The following PLIN3 variants were observed in gnomAD, a reference collection of about 807,000 sequenced individuals.
PLIN3 encodes perilipin-3.
Under a neutral mutation model 35.9 loss-of-function variants are expected in PLIN3, and 30 were observed. The observed-to-expected ratio is 0.84, with a 90% CI of 0.62 to 1.13. The LOEUF (loss-of-function observed/expected upper bound fraction) is 1.13, where lower values mean the gene tolerates loss of function less well. Among genes scored for constraint, PLIN3 ranks in the 50% most tolerant of loss-of-function variants. The pLI, the probability that PLIN3 is intolerant of heterozygous loss-of-function variation, is 0.00. For missense variants in PLIN3, 603 were observed against 596.9 expected (o/e 1.01, Z -0.11); for synonymous variants, 261 against 262.5 (o/e 0.99, Z 0.06).
At position 4,844,844 on chromosome 19, in the gene PLIN3, G is replaced by A. The variant is rs758549282; in HGVS notation, c.835-51C>T. The A allele has an allele frequency of 2.5e-5, 38 of 1,520,938 alleles. 2 individuals are homozygous for A. In the Middle Eastern group the frequency reaches 5.2e-4, roughly 21 times the overall value. 94.2% of individuals were successfully genotyped at this position (1,520,938 alleles called of 1,614,324 possible). ...GGAAGGAGGCTCCCCTGGGAGAGAC[G>A]GGATTCCAGAAGGAACCCAAGGAAT... On this transcript the variant is annotated intron_variant, in intron 6 of 7. Coordinates refer to ENST00000221957, the MANE Select transcript of PLIN3 (RefSeq NM_005817.5).
In PLIN3 at chr19:4,849,884, C is replaced by T. The variant is rs960443190; in HGVS notation, c.635-1994G>A. Among the ~76,000 whole-genome samples, 33 of 151,858 alleles carry T rather than the reference C, an allele frequency of 2.2e-4. 1 individual carries two copies. The highest frequency in any genetic ancestry group is 7.5e-4 in the African/African-American group (31 of 41,372). On this transcript the variant is annotated intron_variant, in intron 5 of 7. Transcript: ENST00000221957. ...GCCAGGCTGGTCTCAAACTCCTGAC[C>T]ATGTGATCCAGCTGCCTCAGCCTCC...
chr19:4,843,178 TGCC>T (rs2029960077), intron 7 of PLIN3, among the ~76,000 whole-genome samples: 1 of 151,200 alleles, frequency 6.6e-6, no homozygotes, highest in African/African-American at 2.4e-5. Context: ...GCTGAGATTG[TGCC>T]ACTGCACTCC....
chr19:4,840,426 T>C (rs1408541953), intron 7 of PLIN3, among the ~76,000 whole-genome samples: 2 of 152,078 alleles, frequency 1.3e-5, no homozygotes, highest in Admixed American at 1.3e-4. Flanking sequence ...AGCTACATTT[T>C]TAAAATTTTC....
intron 7 of PLIN3, among the ~76,000 whole-genome samples, chr19:4,843,176 T>C (rs1242837845): frequency 2.0e-5 from 3 of 151,438 alleles, no homozygotes; most frequent in East Asian, 3.9e-4. Context: ...GAGCTGAGAT[T>C]GTGCCACTGC....
chr19:4,843,717 TC>T (rs1423394969), intron 7 of PLIN3, among the ~76,000 whole-genome samples: 1 of 151,856 alleles, frequency 6.6e-6, no homozygotes, highest in Non-Finnish European at 1.5e-5. Context: ...ACGCCTGTGT[TC>T]CCAGCTACTT....
At chr19:4,843,910 G>A (rs545171227) in intron 7 of PLIN3, among the ~76,000 whole-genome samples, 4 of 152,294 alleles carry the variant, frequency 2.6e-5, no homozygotes, top group South Asian at 4.1e-4. Context: ...TGAAGTGTAC[G>A]ATTCATTGGT....
At chr19:4,861,761 G>A (rs529647673) in intron 1 of PLIN3, among the ~76,000 whole-genome samples, 13 of 151,096 alleles carry the variant, frequency 8.6e-5, no homozygotes, top group Admixed American at 1.3e-4. Context: ...TTAGCCTCCC[G>A]AGTAGCTGGA....
chr19:4,848,289 G>A (rs1488594450), intron 5 of PLIN3, among the ~76,000 whole-genome samples: 2 of 152,100 alleles, frequency 1.3e-5, no homozygotes, highest in Non-Finnish European at 2.9e-5. Flanking sequence ...TGGCCATGCT[G>A]TCCAGTTTAT....
intron 4 of PLIN3, among the ~76,000 whole-genome samples, chr19:4,859,057 T>A (rs961095457): frequency 6.6e-6 from 1 of 152,264 alleles, no homozygotes; most frequent in East Asian, 1.9e-4. Flanking sequence ...TTCTGACTAA[T>A]AAGTTATGGA....
At position 4,847,351 on chromosome 19, in the gene PLIN3, A is replaced by G. The variant is rs1031344730; in HGVS notation, c.834+340T>C. ...ATTACAGGCACGCACCACCACAGCC[A>G]GCTAATTGTTTTAAATTATTTTTTG... On this transcript the variant is annotated intron_variant, in intron 6 of 7. Transcript: ENST00000221957. 4.6e-5 allele frequency among the ~76,000 whole-genome samples: 7 copies of G among 151,966 alleles called. No homozygotes were observed. The Admixed American group carries it at 4.6e-4, about 10-fold the overall frequency.
intron 4 of PLIN3, among the ~76,000 whole-genome samples, chr19:4,854,408 TTTTTG>T (rs937655706): frequency 1.9e-4 from 7 of 36,372 alleles, no homozygotes; most frequent in African/African-American, 8.1e-4. Context: ...TTTGTTTTTG[TTTTTG>T]TTTTTTTTTA....
chr19:4,846,552 A>C (rs2030103787), intron 6 of PLIN3, among the ~76,000 whole-genome samples: 1 of 152,014 alleles, frequency 6.6e-6, no homozygotes. Flanking sequence ...TACAAAAATT[A>C]GCCAGGCATG....
chr19:4,847,756 T>G lies in PLIN3; in HGVS notation c.769A>C (p.Lys257Gln). The change falls in exon 6 of 8, where the codon AAG (lysine) becomes CAG (glutamine). Residue 257 changes from lysine to glutamine, a missense_variant. Lys to Gln is a moderately conservative substitution (Grantham distance 53, BLOSUM62 1). Coordinates refer to ENST00000221957, the MANE Select transcript of PLIN3 (RefSeq NM_005817.5). ...RQHAYEHSLG[K>Q]LRATKQRAQE... is the part of the protein sequence containing the mutation. ...GCCCTCTGCTTGGTGGCTCGAAGCTTGCCCAGCGAGTGCTCATAGGCGTGC... is the reference window on the plus strand; with the variant it reads ...GCCCTCTGCTTGGTGGCTCGAAGCTGGCCCAGCGAGTGCTCATAGGCGTGC... The G allele has an allele frequency of 6.2e-7, 1 of 1,613,032 alleles. No homozygotes were observed. The highest frequency in any genetic ancestry group is 1.1e-5 in the South Asian group (1 of 90,892).
intron 4 of PLIN3, among the ~76,000 whole-genome samples, chr19:4,855,924 C>CA (rs772454816): frequency 0.3 from 22,132 of 73,676 alleles, 1,898 homozygotes; most frequent in Non-Finnish European, 0.35. Flanking sequence ...GACCTTGTCT[C>CA]AAAAAAAAAA....
intron 4 of PLIN3, 131 bp downstream of exon 4, chr19:4,859,459 G>A: frequency 5.2e-6 from 4 of 769,296 alleles, no homozygotes; most frequent in South Asian, 1.5e-5. Context: ...GATTCGGGGT[G>A]GGGATGGGAA....
chr19:4,846,888 A>ACT (rs2030116701), intron 6 of PLIN3, among the ~76,000 whole-genome samples: 1 of 138,224 alleles, frequency 7.2e-6, no homozygotes, highest in East Asian at 2.0e-4. Flanking sequence ...GACAGTACGA[A>ACT]TTTTTTTTTT....
chr19:4,852,364 C>T (rs912558696), intron 4 of PLIN3, 63 bp from the exon 5 acceptor site: 9 of 1,554,476 alleles, frequency 5.8e-6, no homozygotes, highest in African/African-American at 2.7e-5. Context: ...CCCTCCCCTG[C>T]ACCCCAACTT....
In PLIN3 at chr19:4,838,560, A is replaced by G. The variant is rs200959535; in HGVS notation, c.*632T>C. On this transcript the variant is annotated 3_prime_UTR_variant, in exon 8 of 8. Transcript: ENST00000221957. ...GTGTAAACAAAGAAGTGGGATATGAACTATATCCCTGATTTTTTTTTCTTT... is the reference window on the plus strand; with the variant it reads ...GTGTAAACAAAGAAGTGGGATATGAGCTATATCCCTGATTTTTTTTTCTTT... 6.6e-6 allele frequency: 1 copy of G among 150,870 alleles called. No individual in the cohort carries two copies. Among genetic ancestry groups the G allele is most frequent in the East Asian group, 2.0e-4 (1 of 5,062 alleles). The allele number at this position is 150,870 out of a possible 1,614,324, so 9.3% of individuals were successfully genotyped here. A position where few individuals can be genotyped will look rare whatever the true frequency, so the allele number is the denominator to read the frequency against.
rs1196847268 is a variant in PLIN3 at position 4,844,887 on chromosome 19, T to C, written c.835-94A>G. ...CAAGGAATCCTTCCAGCATCTGACTTACATGACAGTCTAGAAAAGAGAAAG... is the reference window on the plus strand; with the variant it reads ...CAAGGAATCCTTCCAGCATCTGACTCACATGACAGTCTAGAAAAGAGAAAG... On this transcript the variant is annotated intron_variant, in intron 6 of 7. Coordinates refer to ENST00000221957, the MANE Select transcript of PLIN3 (RefSeq NM_005817.5). 167 of 1,371,574 alleles carry C rather than the reference T, an allele frequency of 1.2e-4. No homozygotes were observed. In the East Asian group the frequency reaches 2.6e-3, roughly 21 times the overall value. 85.0% of individuals were successfully genotyped at this position (1,371,574 alleles called of 1,614,324 possible). A position where few individuals can be genotyped will look rare whatever the true frequency, so the allele number is the denominator to read the frequency against.
Sources: gnomAD v4.1 joint callset for allele counts (sites outside exome capture counted in the v4.1 genomes callset) on GRCh38, gnomAD v4.1.1 for gene constraint, MANE v1.5 for transcripts, NCBI Gene and HGNC (gene_info 2026-07-23, HGNC 2026-07-21) for gene names.